SCAPER: variants seen among roughly 807,000 people sequenced by gnomAD.
The protein encoded by SCAPER is S phase cyclin A-associated protein in the endoplasmic reticulum.
Under a neutral mutation model 182.2 loss-of-function variants are expected in SCAPER, and 98 were observed. The ratio of observed to expected loss-of-function variants is 0.54; its 90% CI spans 0.46 to 0.64. SCAPER has a LOEUF of 0.64. Among genes scored for constraint, SCAPER ranks in the 30% least tolerant of loss-of-function variants. The pLI, the probability that SCAPER is intolerant of heterozygous loss-of-function variation, is 0.00. For synonymous variants in SCAPER, 605 were observed against 564.6 expected, an observed-to-expected ratio of 1.07 and a Z score of -1.01; for missense variants, 1,432 against 1,690.0, an observed-to-expected ratio of 0.85 and a Z score of 2.68.
intron 25 of SCAPER, among the ~76,000 whole-genome samples, chr15:76,447,428 T>A (rs2048077441): frequency 6.6e-6 from 1 of 152,194 alleles, no homozygotes; most frequent in Non-Finnish European, 1.5e-5. Flanking sequence ...TAAAACAACC[T>A]GAGACTTCTG....
intron 22 of SCAPER, among the ~76,000 whole-genome samples, chr15:76,620,979 C>T (rs1014777320): frequency 6.6e-6 from 1 of 152,040 alleles, no homozygotes; most frequent in African/African-American, 2.4e-5. Context: ...CAAACCTGCA[C>T]ATCCTGCACA....
intron 21 of SCAPER, 89 bp downstream of exon 21, chr15:76,665,564 A>G: frequency 7.0e-7 from 1 of 1,427,936 alleles, no homozygotes; most frequent in Non-Finnish European, 9.3e-7. Context: ...GAAGCAAACA[A>G]CTTTAAACTT....
At chr15:76,495,130 T>C (rs1033300737) in intron 24 of SCAPER, among the ~76,000 whole-genome samples, 1 of 152,098 alleles carries the variant, frequency 6.6e-6, no homozygotes, top group African/African-American at 2.4e-5. Flanking sequence ...AAAAAAAATC[T>C]CAACACTGTG....
rs1036650327 is a variant in SCAPER at position 76,720,290 on chromosome 15, G to A, written c.2165+8305C>T. Reference sequence around the variant, plus strand: ...TTTTTATGGCTGCATAGTATTCCATGGTGTATATGTGCCACATTTTCTTAA... The same window carrying A: ...TTTTTATGGCTGCATAGTATTCCATAGTGTATATGTGCCACATTTTCTTAA... On this transcript the variant is annotated intron_variant, in intron 17 of 31. Coordinates refer to ENST00000563290, the MANE Select transcript of SCAPER (RefSeq NM_020843.4). Among the ~76,000 whole-genome samples the A allele has an allele frequency of 1.6e-3, 247 of 152,034 alleles. 1 individual carries two copies. Among genetic ancestry groups the A allele is most frequent in the Non-Finnish European group, 3.0e-3 (204 of 67,950 alleles).
intron 2 of SCAPER, among the ~76,000 whole-genome samples, chr15:76,876,293 G>A (rs1305611520): frequency 6.6e-6 from 1 of 152,002 alleles, no homozygotes; most frequent in East Asian, 1.9e-4. Flanking sequence ...GACTCCCCGA[G>A]CATGGCCAGA....
chr15:76,445,881 A>C (rs2142756885), intron 25 of SCAPER, among the ~76,000 whole-genome samples: 1 of 152,198 alleles, frequency 6.6e-6, no homozygotes, highest in East Asian at 1.9e-4. Context: ...CTTCTCTAAC[A>C]CCACCAAGGG....
At chr15:76,419,141 A>T (rs1171026319) in intron 26 of SCAPER, among the ~76,000 whole-genome samples, 1 of 152,178 alleles carries the variant, frequency 6.6e-6, no homozygotes, top group Non-Finnish European at 1.5e-5. Flanking sequence ...TTACAGTTGA[A>T]GAAACTGTAC....
At chr15:76,606,711 G>GCATATA in intron 22 of SCAPER, among the ~76,000 whole-genome samples, 1 of 151,392 alleles carries the variant, frequency 6.6e-6, no homozygotes, top group Admixed American at 6.6e-5. Context: ...TGTATTGGGT[G>GCATATA]CATATATATT....
At chr15:76,742,852 T>A (rs531164976) in intron 15 of SCAPER, among the ~76,000 whole-genome samples, 1 of 152,132 alleles carries the variant, frequency 6.6e-6, no homozygotes, top group African/African-American at 2.4e-5. Flanking sequence ...AAAATTTAAA[T>A]TAAAAAAATT....
At chr15:76,828,585 A>G (rs963633251) in intron 5 of SCAPER, among the ~76,000 whole-genome samples, 1 of 147,784 alleles carries the variant, frequency 6.8e-6, no homozygotes, top group Non-Finnish European at 1.5e-5. Flanking sequence ...AGGAGAAATT[A>G]CTTATTTAAC....
chr15:76,529,417 A>G (rs936010281), intron 23 of SCAPER, among the ~76,000 whole-genome samples: 1 of 152,186 alleles, frequency 6.6e-6, no homozygotes, highest in Non-Finnish European at 1.5e-5. Flanking sequence ...CTCTACTTCT[A>G]CTTCTAGGAA....
intron 24 of SCAPER, among the ~76,000 whole-genome samples, chr15:76,485,881 A>G (rs1342421875): frequency 1.3e-5 from 2 of 152,188 alleles, no homozygotes; most frequent in African/African-American, 4.8e-5. Flanking sequence ...TGCAAAAATT[A>G]ACTCGAGATG....
intron 16 of SCAPER, among the ~76,000 whole-genome samples, chr15:76,729,951 T>A (rs943318058): frequency 6.6e-6 from 1 of 152,144 alleles, no homozygotes; most frequent in East Asian, 1.9e-4. Context: ...CTCTCCTCTA[T>A]AATTAATGGA....
intron 21 of SCAPER, among the ~76,000 whole-genome samples, chr15:76,664,255 A>G (rs1407867237): frequency 6.6e-6 from 1 of 152,150 alleles, no homozygotes. Flanking sequence ...CTACTATAAC[A>G]ATCCAGGTAA....
chr15:76,753,281 C>T (rs1169434609), intron 15 of SCAPER, among the ~76,000 whole-genome samples: 1 of 151,764 alleles, frequency 6.6e-6, no homozygotes, highest in Non-Finnish European at 1.5e-5. Flanking sequence ...AATGGAATGA[C>T]CCAGCAATGA....
At chr15:76,903,005 G>A (rs1028016583) in intron 1 of SCAPER, among the ~76,000 whole-genome samples, 22 of 151,220 alleles carry the variant, frequency 1.5e-4, no homozygotes, top group East Asian at 1.4e-3. Context: ...AGTTTGCAGT[G>A]AGCCAAGATT....
At chr15:76,733,172 G>A (rs2061027392) in intron 16 of SCAPER, 57 bp downstream of exon 16, 1 of 1,507,024 alleles carries the variant, frequency 6.6e-7, no homozygotes, top group Non-Finnish European at 9.0e-7. Flanking sequence ...CTGCGGGGCT[G>A]GACCCTACAA....
At chr15:76,690,182 T>C (rs1294014450) in intron 20 of SCAPER, among the ~76,000 whole-genome samples, 1 of 152,146 alleles carries the variant, frequency 6.6e-6, no homozygotes, top group Admixed American at 6.5e-5. Flanking sequence ...ATCTCTGATA[T>C]GATGTGGCAT....
At chr15:76,568,270 T>C (rs2047190410) in intron 23 of SCAPER, among the ~76,000 whole-genome samples, 1 of 151,470 alleles carries the variant, frequency 6.6e-6, no homozygotes, top group Admixed American at 6.6e-5. Flanking sequence ...ATTCTTCTTT[T>C]TCTCCGTCTT....
Sources: gnomAD v4.1 joint callset for allele counts (sites outside exome capture counted in the v4.1 genomes callset) on GRCh38, gnomAD v4.1.1 for gene constraint, MANE v1.5 for transcripts, NCBI Gene and HGNC (gene_info 2026-07-23, HGNC 2026-07-21) for gene names.